The following GPC6 variants were observed in gnomAD, a reference collection of about 807,000 sequenced individuals.
The protein encoded by GPC6 is glypican-6.
In GPC6, 14 loss-of-function variants were observed where a neutral mutation model predicts 55.2. The ratio of observed to expected loss-of-function variants is 0.25; its 90% CI spans 0.17 to 0.40. The LOEUF is 0.40. GPC6 is among the 10% of genes least tolerant of loss of function. The pLI is 1.00. For missense variants in GPC6, 641 were observed against 708.5 expected (o/e 0.90, Z 1.08); for synonymous variants, 278 against 259.6 (o/e 1.07, Z -0.68).
rs573149442 is a variant in GPC6 at position 93,912,498 on chromosome 13, A to C, written c.711+81953A>C. Reference sequence around the variant, plus strand: ...GTGGCTCACGCCTGTAATCCCAGCAATTTGGGAGGCCAAGGCGGGCGGATC... The same window carrying C: ...GTGGCTCACGCCTGTAATCCCAGCACTTTGGGAGGCCAAGGCGGGCGGATC... On this transcript the variant is annotated intron_variant, in intron 3 of 8. Transcript: ENST00000377047. Among the ~76,000 whole-genome samples the C allele has an allele frequency of 9.4e-4, 143 of 152,220 alleles. 1 individual carries two copies. The highest frequency in any genetic ancestry group is 3.4e-3 in the Middle Eastern group (1 of 294).
chr13:93,311,212 T>C lies in GPC6; in HGVS notation c.160+83596T>C, dbSNP rs562799265. ...GACACCTTTTCTATTTCTGGAAGGC[T>C]TTGGTTTTCAGATAATTTTTTTGCA... On this transcript the variant is annotated intron_variant, in intron 1 of 8. Coordinates refer to ENST00000377047, the MANE Select transcript of GPC6 (RefSeq NM_005708.5). Among the ~76,000 whole-genome samples, 41 of 152,328 alleles carry C rather than the reference T, an allele frequency of 2.7e-4. No individual in the cohort carries two copies. The South Asian group carries it at 8.5e-3, about 32-fold the overall frequency.
At chr13:94,080,465 A>G (rs1327462543) in intron 4 of GPC6, among the ~76,000 whole-genome samples, 7 of 152,242 alleles carry the variant, frequency 4.6e-5, no homozygotes, top group African/African-American at 1.7e-4. Context: ...ATTACCTTAG[A>G]TAAACAAAAT....
intron 1 of GPC6, among the ~76,000 whole-genome samples, chr13:93,343,185 A>G (rs1391750142): frequency 1.5e-5 from 2 of 137,690 alleles, no homozygotes; most frequent in Non-Finnish European, 3.0e-5. Flanking sequence ...TTAGCTTTCC[A>G]AAACAGTGCA....
At chr13:94,384,370 G>A (rs1042814393) in intron 7 of GPC6, among the ~76,000 whole-genome samples, 4 of 152,204 alleles carry the variant, frequency 2.6e-5, no homozygotes, top group Non-Finnish European at 2.9e-5. Flanking sequence ...ACACTGTGAA[G>A]AATGGCCAGA....
In GPC6 at chr13:93,936,151, ATCAT is replaced by A. The variant is rs568809398; in HGVS notation, c.712-91574_712-91571del. ...TATATTTGGATTGTAGAGAAACAATATCATTCAATGTTGCAATATCATTTACTTC... is the reference window on the plus strand; with the variant it reads ...TATATTTGGATTGTAGAGAAACAATATCAATGTTGCAATATCATTTACTTC... On this transcript the variant is annotated intron_variant, in intron 3 of 8. Transcript: ENST00000377047. Among the ~76,000 whole-genome samples the A allele has an allele frequency of 2.3e-3, 353 of 152,360 alleles. 2 individuals carry two copies. Among genetic ancestry groups the A allele is most frequent in the African/African-American group, 7.7e-3 (320 of 41,588 alleles).
At chr13:94,236,483 C>T (rs1319087384) in intron 4 of GPC6, among the ~76,000 whole-genome samples, 1 of 152,008 alleles carries the variant, frequency 6.6e-6, no homozygotes, top group Non-Finnish European at 1.5e-5. Flanking sequence ...TGAGACAGTG[C>T]CTGTTTTCAG....
At chr13:94,263,917 C>T (rs917258279) in intron 4 of GPC6, among the ~76,000 whole-genome samples, 12 of 152,202 alleles carry the variant, frequency 7.9e-5, no homozygotes, top group African/African-American at 2.9e-4. Flanking sequence ...TTGATTTTGA[C>T]ACCACCAGAG....
intron 2 of GPC6, among the ~76,000 whole-genome samples, chr13:93,707,651 A>G (rs758569870): frequency 1.3e-4 from 19 of 151,712 alleles, no homozygotes; most frequent in Non-Finnish European, 7.4e-5. Context: ...AATACCTAAC[A>G]CTAATGAAAG....
At chr13:93,550,684 G>T (rs1419875764) in intron 2 of GPC6, among the ~76,000 whole-genome samples, 2 of 151,644 alleles carry the variant, frequency 1.3e-5, no homozygotes, top group Non-Finnish European at 2.9e-5. Context: ...TTTAATATAT[G>T]GCCTAATTTT....
At chr13:93,321,543 G>T (rs1385350032) in intron 1 of GPC6, among the ~76,000 whole-genome samples, 3 of 152,154 alleles carry the variant, frequency 2.0e-5, no homozygotes, top group African/African-American at 7.2e-5. Flanking sequence ...GTAGTTGAAT[G>T]AATTTAGCAC....
At chr13:94,122,061 A>G (rs1886649309) in intron 4 of GPC6, among the ~76,000 whole-genome samples, 1 of 152,120 alleles carries the variant, frequency 6.6e-6, no homozygotes, top group Non-Finnish European at 1.5e-5. Context: ...AAGATAGACT[A>G]TGTCTGAATG....
chr13:94,351,989 G>GAAAGAA (rs1878572456), intron 6 of GPC6, among the ~76,000 whole-genome samples: 1 of 143,040 alleles, frequency 7.0e-6, no homozygotes, highest in Non-Finnish European at 1.5e-5. Context: ...AAAAGAAAAA[G>GAAAGAA]AAAAAAAATA....
intron 1 of GPC6, among the ~76,000 whole-genome samples, chr13:93,410,673 T>C (rs9524053): frequency 0.14 from 21,088 of 152,218 alleles, 2,133 homozygotes; most frequent in East Asian, 0.48. Context: ...ATTAAATTAA[T>C]GGACTTTATT....
chr13:93,770,871 CACTT>C (rs567264693), intron 2 of GPC6, among the ~76,000 whole-genome samples: 36 of 152,166 alleles, frequency 2.4e-4, no homozygotes, highest in African/African-American at 8.4e-4. Context: ...ACTTATTTGG[CACTT>C]ACTTAAGTAG....
At chr13:93,222,922 A>G (rs1875659870), upstream of GPC6, among the ~76,000 whole-genome samples, 2 of 152,036 alleles carry the variant, frequency 1.3e-5, no homozygotes, top group South Asian at 4.2e-4. Flanking sequence ...GTCTTCTAGC[A>G]ATGTCTTGTC....
chr13:93,930,275 G>GTTTTTTTTTTTTTTTTTTTTT lies in GPC6; in HGVS notation c.712-97441_712-97440insTTTTTTTTTTTTTTTTTTTTT, dbSNP rs35858695. ...TTTTAAAGGTTATTGGAAACGAAAGGTTTTTTTTTTTTTGTAGACAGAGTC... is the reference window on the plus strand; with the variant it reads ...TTTTAAAGGTTATTGGAAACGAAAGGTTTTTTTTTTTTTTTTTTTTTTTTTTTTTTTTTTGTAGACAGAGTC... On this transcript the variant is annotated intron_variant, in intron 3 of 8. Transcript: ENST00000377047. 4.4e-4 allele frequency among the ~76,000 whole-genome samples: 54 copies of GTTTTTTTTTTTTTTTTTTTTT among 123,840 alleles called. 4 individuals carry two copies. The highest frequency in any genetic ancestry group is 1.1e-3 in the African/African-American group (33 of 31,300). The allele number at this position is 123,840 out of a possible 152,430, so 81.2% of individuals were successfully genotyped here.
At chr13:93,617,805 T>C (rs1450507185) in intron 2 of GPC6, among the ~76,000 whole-genome samples, 1 of 152,118 alleles carries the variant, frequency 6.6e-6, no homozygotes, top group Non-Finnish European at 1.5e-5. Context: ...TTGCTCTGAA[T>C]CTAAATGGTT....
At chr13:93,389,621 A>C (rs1290540551) in intron 1 of GPC6, among the ~76,000 whole-genome samples, 5 of 151,118 alleles carry the variant, frequency 3.3e-5, no homozygotes, top group African/African-American at 1.2e-4. Context: ...GTATACACAC[A>C]GAATGTATGT....
intron 4 of GPC6, among the ~76,000 whole-genome samples, chr13:94,165,491 G>A (rs1347853414): frequency 1.3e-5 from 2 of 151,792 alleles, no homozygotes; most frequent in Admixed American, 6.6e-5. Flanking sequence ...GGGGACTCAG[G>A]GGAAATGGTG....
Sources: allele counts gnomAD v4.1 joint callset (sites outside exome capture counted in the v4.1 genomes callset), GRCh38; gene constraint gnomAD v4.1.1; transcripts MANE v1.5; gene names NCBI Gene and HGNC (gene_info 2026-07-23, HGNC 2026-07-21).